Variants in MGAT5 observed in about 807,000 individuals in gnomAD.
MGAT5 encodes alpha-1,6-mannosylglycoprotein 6-beta-N-acetylglucosaminyltransferase.
A neutral mutation model predicts 94.3 loss-of-function variants in MGAT5; 30 were observed. The observed-to-expected ratio is 0.32, with a 90% CI of 0.24 to 0.43. The LOEUF (loss-of-function observed/expected upper bound fraction) is 0.43. Ranked by LOEUF, MGAT5 falls within the 20% of genes least tolerant of loss-of-function variation. MGAT5 has a pLI of 1.00. For missense variants in MGAT5, 691 were observed against 905.5 expected (o/e 0.76, Z 3.04); for synonymous variants, 310 against 322.9 (o/e 0.96, Z 0.43).
chr2:134,157,041 CT>C (rs1156516926), intron 1 of MGAT5, among the ~76,000 whole-genome samples: 1 of 152,174 alleles, frequency 6.6e-6, no homozygotes, highest in Admixed American at 6.5e-5. Flanking sequence ...TCATCTAAGT[CT>C]TGCTAGTCTT....
chr2:134,297,768 C>T (rs1057489211), intron 2 of MGAT5, among the ~76,000 whole-genome samples: 5 of 151,124 alleles, frequency 3.3e-5, no homozygotes, highest in Admixed American at 3.3e-4. Context: ...TTTTTTTCTC[C>T]TAAGATTAGG....
At chr2:134,242,549 A>G (rs1482882056) in intron 1 of MGAT5, among the ~76,000 whole-genome samples, 1 of 152,202 alleles carries the variant, frequency 6.6e-6, no homozygotes, top group East Asian at 1.9e-4. Context: ...TGCTCTTACT[A>G]TCCTAGATAA....
intron 4 of MGAT5, among the ~76,000 whole-genome samples, chr2:134,321,266 C>A (rs1296463488): frequency 1.3e-5 from 2 of 148,632 alleles, no homozygotes; most frequent in African/African-American, 2.5e-5. Context: ...CCCCTTTCTA[C>A]TTGAAAGAAT....
chr2:134,225,596 G>A (rs1681019104), intron 1 of MGAT5, among the ~76,000 whole-genome samples: 3 of 151,904 alleles, frequency 2.0e-5, no homozygotes, highest in Admixed American at 6.5e-5. Flanking sequence ...GGGTATTCAC[G>A]TTCAAGTGTA....
chr2:134,205,787 CA>C (rs1303365063), intron 1 of MGAT5, among the ~76,000 whole-genome samples: 1 of 152,104 alleles, frequency 6.6e-6, no homozygotes, highest in Admixed American at 6.5e-5. Flanking sequence ...GGACAGAGCC[CA>C]GGGGTGTCCC....
chr2:134,254,247 TCTC>T lies in MGAT5; in HGVS notation c.-151_-149del, dbSNP rs1455823558. The T allele has an allele frequency of 4.8e-6, 4 of 841,226 alleles. No individual in the cohort carries two copies. Among genetic ancestry groups the T allele is most frequent in the Admixed American group, 2.8e-5 (1 of 35,094 alleles). 52.1% of individuals were successfully genotyped at this position (841,226 alleles called of 1,614,324 possible). On this transcript the variant is annotated 5_prime_UTR_variant, in exon 1 of 16. Coordinates refer to ENST00000281923, the MANE Select transcript of MGAT5 (RefSeq NM_002410.5). Reference sequence around the variant, plus strand: ...GTGCCATGACCACTTGGCTAATTCTTCTCCTCCTTCACAGCAGAATGGAAGTGA... The same window carrying T: ...GTGCCATGACCACTTGGCTAATTCTTCTCCTTCACAGCAGAATGGAAGTGA...
At chr2:134,423,973 G>A (rs1684441495) in intron 13 of MGAT5, among the ~76,000 whole-genome samples, 1 of 152,206 alleles carries the variant, frequency 6.6e-6, no homozygotes, top group Non-Finnish European at 1.5e-5. Context: ...ATAGATGGGA[G>A]AGAGGAATAG....
intron 1 of MGAT5, among the ~76,000 whole-genome samples, chr2:134,124,356 A>G (rs562744001): frequency 1.6e-4 from 24 of 152,280 alleles, no homozygotes; most frequent in Admixed American, 3.3e-4. Context: ...TGACTTTGTC[A>G]TATCTGCAGG....
In MGAT5 at chr2:134,268,749, T is replaced by C. The variant is rs779815055; in HGVS notation, c.242-1637T>C. Among the ~76,000 whole-genome samples, 2 of 152,218 alleles carry C rather than the reference T, an allele frequency of 1.3e-5. No homozygotes were observed. Among genetic ancestry groups the C allele is most frequent in the African/African-American group, 2.4e-5 (1 of 41,448 alleles). ...AAACACCTTATAAATATTAACTCTT[T>C]AACTCCTCTTGACAACCTCAAAGCT... On this transcript the variant is annotated intron_variant, in intron 1 of 15. Transcript: ENST00000281923. This position sits in a 1 kb window ranked among gnomAD's most constrained non-coding sequence, Gnocchi z 4.1.
intron 1 of MGAT5, among the ~76,000 whole-genome samples, chr2:134,233,208 A>T (rs187435708): frequency 1.8e-4 from 27 of 152,280 alleles, no homozygotes; most frequent in Admixed American, 2.6e-4. Flanking sequence ...TTTATTCATA[A>T]GTCTAAAATA....
At chr2:134,380,402 G>A (rs1302841836) in intron 10 of MGAT5, among the ~76,000 whole-genome samples, 1 of 152,170 alleles carries the variant, frequency 6.6e-6, no homozygotes, top group African/African-American at 2.4e-5. Context: ...GTCTGGCCCA[G>A]CTTTATGCTG....
At chr2:134,140,614 T>A (rs897471487) in intron 1 of MGAT5, among the ~76,000 whole-genome samples, 3 of 152,240 alleles carry the variant, frequency 2.0e-5, no homozygotes, top group African/African-American at 7.2e-5. Context: ...CAAAGGTTAA[T>A]ATAACACCTG....
At chr2:134,245,644 G>C (rs1454825576) in intron 1 of MGAT5, among the ~76,000 whole-genome samples, 4 of 152,030 alleles carry the variant, frequency 2.6e-5, no homozygotes, top group Non-Finnish European at 4.4e-5. Flanking sequence ...CTGTATTTAG[G>C]TGAAGACTAC....
intron 1 of MGAT5, among the ~76,000 whole-genome samples, chr2:134,200,161 C>A (rs1679714347): frequency 7.8e-6 from 1 of 128,772 alleles, no homozygotes; most frequent in Non-Finnish European, 1.7e-5. Flanking sequence ...CCCCCCATTC[C>A]CCCCCTGCCC....
intron 12 of MGAT5, 120 bp downstream of exon 12, chr2:134,413,135 C>T (rs1336823428): frequency 2.7e-6 from 3 of 1,127,214 alleles, no homozygotes; most frequent in East Asian, 2.6e-5. Flanking sequence ...GGTATAGAGG[C>T]TCAGAGAGGC....
chr2:134,327,672 G>T (rs1435212699), intron 4 of MGAT5, among the ~76,000 whole-genome samples: 1 of 152,138 alleles, frequency 6.6e-6, no homozygotes, highest in Non-Finnish European at 1.5e-5. Context: ...TCAGACTGCA[G>T]TTGACTGTGG....
At position 134,450,366 on chromosome 2, in the gene MGAT5, T is replaced by A. The variant is rs1558898923; in HGVS notation, c.*1519T>A. ...TAACAGAGGGCGGCCCAGTGGAGCC[T>A]CCGCTGGGCAGAACTGATGGGCAAG... On this transcript the variant is annotated 3_prime_UTR_variant, in exon 16 of 16. Coordinates refer to ENST00000281923, the MANE Select transcript of MGAT5 (RefSeq NM_002410.5). 1 of 152,142 alleles carries A rather than the reference T, an allele frequency of 6.6e-6. No homozygotes were observed. Among genetic ancestry groups the A allele is most frequent in the Non-Finnish European group, 1.5e-5 (1 of 68,048 alleles). 9.4% of individuals were successfully genotyped at this position (152,142 alleles called of 1,614,324 possible). A position where few individuals can be genotyped will look rare whatever the true frequency, so the allele number is the denominator to read the frequency against.
chr2:134,139,665 G>T (rs764319162), intron 1 of MGAT5, among the ~76,000 whole-genome samples: 1 of 152,166 alleles, frequency 6.6e-6, no homozygotes, highest in Admixed American at 6.5e-5. Flanking sequence ...TTATTTGTTC[G>T]CAGTGTCATG....
At position 134,451,109 on chromosome 2, in the gene MGAT5, C is replaced by G. The variant is rs1409570512; in HGVS notation, c.*2262C>G. ...GCCGAGCAAAGTTTAACCCACTTAG[C>G]CACTGCTACTTAAGCAAGGAAGCTG... On this transcript the variant is annotated 3_prime_UTR_variant, in exon 16 of 16. Coordinates refer to ENST00000281923, the MANE Select transcript of MGAT5 (RefSeq NM_002410.5). The G allele has an allele frequency of 6.6e-6, 1 of 152,082 alleles. No homozygotes were observed. Among genetic ancestry groups the G allele is most frequent in the Non-Finnish European group, 1.5e-5 (1 of 68,040 alleles). The allele number at this position is 152,082 out of a possible 1,614,324, so 9.4% of individuals were successfully genotyped here.
Sources: gnomAD v4.1 joint callset for allele counts (sites outside exome capture counted in the v4.1 genomes callset) on GRCh38, gnomAD v4.1.1 for gene constraint, Gnocchi (gnomAD v3.1) non-coding constraint, MANE v1.5 for transcripts, NCBI Gene and HGNC (gene_info 2026-07-23, HGNC 2026-07-21) for gene names.